Variants in SHB observed in about 807,000 individuals in gnomAD.
The protein encoded by SHB is SH2 domain-containing adapter protein B.
In SHB, 20 loss-of-function variants were observed where a neutral mutation model predicts 52.3. The ratio of observed to expected loss-of-function variants is 0.38; its 90% CI spans 0.27 to 0.56. SHB has a LOEUF of 0.56. SHB is among the 20% of genes least tolerant of loss of function. The pLI is 0.71. For missense variants in SHB, 825 were observed against 723.3 expected (o/e 1.14, Z -1.61); for synonymous variants, 397 against 316.5 (o/e 1.25, Z -2.70).
At position 38,057,839 on chromosome 9, in the gene SHB, G is replaced by C. The variant is rs562486135; in HGVS notation, c.717+10090C>G. 4.6e-5 allele frequency among the ~76,000 whole-genome samples: 7 copies of C among 152,290 alleles called. No homozygotes were observed. The East Asian group carries it at 1.3e-3, about 29-fold the overall frequency. ...GTACCAGTGAACCCACAATATAAGG[G>C]ACCACTTCCTATCAGAAGCAGCCAG... On this transcript the variant is annotated intron_variant, in intron 1 of 5. Coordinates refer to ENST00000377707, the MANE Select transcript of SHB (RefSeq NM_003028.3).
At chr9:37,954,883 A>G (rs1308786775) in intron 4 of SHB, among the ~76,000 whole-genome samples, 1 of 152,098 alleles carries the variant, frequency 6.6e-6, no homozygotes, top group Non-Finnish European at 1.5e-5. Context: ...GGAGATGATA[A>G]CCATGGCCAA....
intron 3 of SHB, among the ~76,000 whole-genome samples, chr9:37,968,831 C>T (rs1235139881): frequency 1.3e-5 from 2 of 152,226 alleles, no homozygotes; most frequent in Non-Finnish European, 2.9e-5. Flanking sequence ...CATGAGGTCT[C>T]CAGCTGTTCC....
chr9:38,019,443 CCT>C (rs1368547513), intron 1 of SHB, among the ~76,000 whole-genome samples: 3 of 152,190 alleles, frequency 2.0e-5, no homozygotes, highest in African/African-American at 7.2e-5. Flanking sequence ...TGCTGGGGCC[CCT>C]GTGTTTTTAT....
Position 37,974,680 on chromosome 9 carries a change from G to A in SHB, c.996C>T (p.Pro332=), listed in dbSNP as rs751209314. 3.7e-6 allele frequency: 6 copies of A among 1,613,902 alleles called. No individual in the cohort carries two copies. The highest frequency in any genetic ancestry group is 4.5e-5 in the East Asian group (2 of 44,866). Residue 332 remains proline, a synonymous_variant, in exon 3 of 6, where the codon CCC becomes CCT. Coordinates refer to ENST00000377707, the MANE Select transcript of SHB (RefSeq NM_003028.3). ...ESKLPQDDDR[P]ADEYDQPWEW... ...CCCAAGGCTGGTCGTACTCATCGGCGGGCCTGTCGTCATCCTGGGGCAGCT... is the reference window on the plus strand; with the variant it reads ...CCCAAGGCTGGTCGTACTCATCGGCAGGCCTGTCGTCATCCTGGGGCAGCT...
At chr9:38,015,907 C>T in intron 2 of SHB, 104 bp downstream of exon 2, 1 of 1,138,000 alleles carries the variant, frequency 8.8e-7, no homozygotes. Flanking sequence ...AAAGCACACA[C>T]CATGCCCCCA....
intron 5 of SHB, among the ~76,000 whole-genome samples, chr9:37,947,239 A>G (rs990821836): frequency 2.6e-5 from 4 of 152,188 alleles, no homozygotes. Flanking sequence ...CCTACCCGCT[A>G]GGCTAGAAGT....
At chr9:37,955,224 T>C (rs992913813) in intron 4 of SHB, among the ~76,000 whole-genome samples, 1 of 152,162 alleles carries the variant, frequency 6.6e-6, no homozygotes, top group Non-Finnish European at 1.5e-5. Flanking sequence ...GAAACTAGGA[T>C]GTAAAAAGGA....
At chr9:38,034,495 G>A (rs1821457645) in intron 1 of SHB, among the ~76,000 whole-genome samples, 1 of 152,210 alleles carries the variant, frequency 6.6e-6, no homozygotes, top group South Asian at 2.1e-4. Flanking sequence ...CAAATACTCT[G>A]TTATACTTTG....
intron 5 of SHB, among the ~76,000 whole-genome samples, chr9:37,947,480 A>G (rs761564971): frequency 4.6e-5 from 7 of 152,198 alleles, no homozygotes; most frequent in Non-Finnish European, 1.0e-4. Flanking sequence ...TGAGAGATGC[A>G]TGGTCCCCAC....
At position 37,949,556 on chromosome 9, in the gene SHB, C is replaced by G. The variant is rs530467879; in HGVS notation, c.1227-802G>C. 9.2e-5 allele frequency among the ~76,000 whole-genome samples: 14 copies of G among 152,304 alleles called. No homozygotes were observed. The East Asian group carries it at 2.7e-3, about 29-fold the overall frequency. On this transcript the variant is annotated intron_variant, in intron 4 of 5. Transcript: ENST00000377707. The stretch of plus-strand genomic sequence containing the variant: ...AGCGAAGGCCAAGGCAGAAGGCTGC[C>G]TAGCGTATTCTGGAAACAGCTAGGG...
chr9:38,023,552 AC>A (rs1403980845), intron 1 of SHB, among the ~76,000 whole-genome samples: 1 of 151,948 alleles, frequency 6.6e-6, no homozygotes, highest in Non-Finnish European at 1.5e-5. Context: ...GTGAAAAGAA[AC>A]CCCCGCCAAG....
intron 1 of SHB, among the ~76,000 whole-genome samples, chr9:38,038,633 C>A (rs1405604513): frequency 2.0e-5 from 3 of 152,220 alleles, no homozygotes; most frequent in African/African-American, 7.2e-5. Context: ...AGCAGCGGGT[C>A]TGCCTGACTC....
chr9:37,970,407 C>T (rs1304086827), intron 3 of SHB, among the ~76,000 whole-genome samples: 1 of 152,238 alleles, frequency 6.6e-6, no homozygotes. Flanking sequence ...ATAACTGAGC[C>T]TTCCGCGGTG....
At chr9:37,936,713 T>G (rs1236653267) in intron 5 of SHB, 1 of 151,130 alleles carries the variant, frequency 6.6e-6, no homozygotes, top group Non-Finnish European at 1.5e-5. Context: ...TCCTGGGGGG[T>G]TTCTAGTAAA....
intron 2 of SHB, among the ~76,000 whole-genome samples, chr9:38,002,298 A>G (rs542670618): frequency 6.6e-6 from 1 of 152,324 alleles, no homozygotes; most frequent in African/African-American, 2.4e-5. Context: ...CAATCTGACA[A>G]TATTAATTAG....
At chr9:37,984,932 AG>A (rs1820785936) in intron 2 of SHB, among the ~76,000 whole-genome samples, 1 of 152,184 alleles carries the variant, frequency 6.6e-6, no homozygotes, top group South Asian at 2.1e-4. Context: ...AAGGCAGGGC[AG>A]GGCAGCTCAG....
chr9:37,961,555 C>A (rs1328800740), intron 3 of SHB, among the ~76,000 whole-genome samples: 2 of 152,232 alleles, frequency 1.3e-5, no homozygotes, highest in Non-Finnish European at 2.9e-5. Flanking sequence ...CCCTACAAAA[C>A]CCCTGTGGGT....
At chr9:38,037,247 T>C (rs1390890151) in intron 1 of SHB, among the ~76,000 whole-genome samples, 1 of 152,208 alleles carries the variant, frequency 6.6e-6, no homozygotes, top group Non-Finnish European at 1.5e-5. Flanking sequence ...GTAGTCTGTG[T>C]AAAGTACCAA....
chr9:38,043,502 G>T (rs1821607268), intron 1 of SHB, among the ~76,000 whole-genome samples: 1 of 152,202 alleles, frequency 6.6e-6, no homozygotes, highest in Non-Finnish European at 1.5e-5. Flanking sequence ...CCTTTAGATG[G>T]GAGAGAAACG....
Sources: allele counts gnomAD v4.1 joint callset (sites outside exome capture counted in the v4.1 genomes callset), GRCh38; gene constraint gnomAD v4.1.1; transcripts MANE v1.5; gene names NCBI Gene and HGNC (gene_info 2026-07-23, HGNC 2026-07-21).